Variants in ADAM19 observed in about 807,000 individuals in gnomAD.
ADAM19 encodes the protein ADAM metallopeptidase domain 19.
Under a neutral mutation model 114.7 loss-of-function variants are expected in ADAM19, and 65 were observed. That is an observed-to-expected ratio of 0.57 (90% CI 0.46 to 0.70). ADAM19 has a LOEUF of 0.70. Among genes scored for constraint, ADAM19 ranks in the 30% least tolerant of loss-of-function variants. The pLI is 0.00. For synonymous variants in ADAM19, 466 were observed against 460.5 expected, an observed-to-expected ratio of 1.01 and a Z score of -0.15; for missense variants, 1,063 against 1,204.7, an observed-to-expected ratio of 0.88 and a Z score of 1.74.
At chr5:157,491,557 C>T in intron 18 of ADAM19, 58 bp downstream of exon 18, 1 of 1,239,138 alleles carries the variant, frequency 8.1e-7, no homozygotes, top group Non-Finnish European at 1.1e-6. Flanking sequence ...TGCCACCTGC[C>T]CCTGATGCCC....
At chr5:157,550,714 TG>T (rs1380530194) in intron 3 of ADAM19, among the ~76,000 whole-genome samples, 2 of 149,042 alleles carry the variant, frequency 1.3e-5, no homozygotes, top group East Asian at 3.9e-4. Context: ...CAAGAGAGCT[TG>T]GGTTTAAAGA....
At chr5:157,489,306 T>C (rs1413441529) in intron 19 of ADAM19, 120 bp from the exon 20 acceptor site, 1 of 720,236 alleles carries the variant, frequency 1.4e-6, no homozygotes, top group Non-Finnish European at 2.5e-6. Flanking sequence ...AAGTCTGCTC[T>C]GGAGGGAGTG....
intron 13 of ADAM19, 137 bp downstream of exon 13, chr5:157,499,436 C>T (rs949226458): frequency 9.3e-6 from 7 of 754,052 alleles, no homozygotes; most frequent in Middle Eastern, 3.6e-4. Context: ...GCACCTTTTC[C>T]GCTCTGTGTT....
chr5:157,487,841 G>A (rs1043872487), intron 21 of ADAM19, among the ~76,000 whole-genome samples: 9 of 151,998 alleles, frequency 5.9e-5, no homozygotes, highest in South Asian at 2.1e-4. Context: ...CAGAATTGAG[G>A]AATCAGGATA....
intron 22 of ADAM19, 93 bp from the exon 23 acceptor site, chr5:157,481,095 G>C: frequency 6.5e-7 from 1 of 1,526,836 alleles, no homozygotes; most frequent in Non-Finnish European, 9.0e-7. Flanking sequence ...TTAGAAGGAA[G>C]GATGGACCAC....
intron 7 of ADAM19, among the ~76,000 whole-genome samples, chr5:157,517,789 C>G (rs1271495986): frequency 2.6e-5 from 4 of 152,220 alleles, no homozygotes; most frequent in Non-Finnish European, 5.9e-5. Flanking sequence ...GAGGGTTCCT[C>G]AAATTCTTAG....
rs1034198858 is a variant in ADAM19 at position 157,479,677 on chromosome 5, C to T, written c.*1272G>A. 2 of 985,878 alleles carry T rather than the reference C, an allele frequency of 2.0e-6. No individual in the cohort carries two copies. The highest frequency in any genetic ancestry group is 1.7e-5 in the African/African-American group (1 of 57,218). The allele number at this position is 985,878 out of a possible 1,614,324, so 61.1% of individuals were successfully genotyped here. ...AGAGAGAACAAAAGGAAGTGAATGA[C>T]AAAAAGCTGGGTTGAGGAAGAGGCT... On this transcript the variant is annotated 3_prime_UTR_variant, in exon 23 of 23. Coordinates refer to ENST00000257527, the MANE Select transcript of ADAM19 (RefSeq NM_033274.5).
At chr5:157,506,192 A>G (rs1755737287) in intron 10 of ADAM19, among the ~76,000 whole-genome samples, 1 of 152,228 alleles carries the variant, frequency 6.6e-6, no homozygotes, top group South Asian at 2.1e-4. Context: ...CATAGGGTGT[A>G]CTTGGCTTAG....
chr5:157,489,053 C>T (rs1435177928), intron 20 of ADAM19, 49 bp downstream of exon 20: 10 of 1,375,848 alleles, frequency 7.3e-6, no homozygotes, highest in Non-Finnish European at 1.0e-5. Context: ...CAGCATGGCC[C>T]TGAGGGATAA....
chr5:157,491,196 T>A (rs1003662309), intron 18 of ADAM19, among the ~76,000 whole-genome samples: 2 of 152,150 alleles, frequency 1.3e-5, no homozygotes, highest in Non-Finnish European at 2.9e-5. Flanking sequence ...ACTAAAATAC[T>A]ATAAAATTTT....
chr5:157,538,199 A>G (rs1394809311), intron 3 of ADAM19, among the ~76,000 whole-genome samples: 1 of 152,198 alleles, frequency 6.6e-6, no homozygotes, highest in Non-Finnish European at 1.5e-5. Flanking sequence ...AATATAATTT[A>G]TCATCACTAT....
intron 19 of ADAM19, among the ~76,000 whole-genome samples, chr5:157,489,791 G>C (rs1260275113): frequency 1.3e-5 from 2 of 152,290 alleles, no homozygotes; most frequent in East Asian, 3.9e-4. Context: ...TTCGAGACCA[G>C]CCTGGTCAAC....
In ADAM19 at chr5:157,480,037, G is replaced by C; in HGVS notation, c.*912C>G. ...AGGGAAATCCAGTGGCCGACTGTGA[G>C]AGAGGACTCTGACTTGTAGGTCACA... On this transcript the variant is annotated 3_prime_UTR_variant, in exon 23 of 23. Transcript: ENST00000257527. 1 of 986,010 alleles carries C rather than the reference G, an allele frequency of 1.0e-6. No individual in the cohort carries two copies. Among genetic ancestry groups the C allele is most frequent in the Non-Finnish European group, 1.2e-6 (1 of 830,036 alleles). The allele number at this position is 986,010 out of a possible 1,614,324, so 61.1% of individuals were successfully genotyped here. A position where few individuals can be genotyped will look rare whatever the true frequency, so the allele number is the denominator to read the frequency against.
intron 7 of ADAM19, among the ~76,000 whole-genome samples, chr5:157,517,887 A>G (rs59327154): frequency 0.16 from 24,212 of 152,174 alleles, 2,003 homozygotes; most frequent in Middle Eastern, 0.24. Flanking sequence ...GTGCAACCCA[A>G]TCGCCCAGAG....
At chr5:157,566,582 T>C (rs913714873) in intron 2 of ADAM19, 2 of 152,240 alleles carry the variant, frequency 1.3e-5, no homozygotes, top group African/African-American at 4.8e-5. Flanking sequence ...CTGAACTTTT[T>C]TCGAAGAAAT....
At position 157,535,011 on chromosome 5, in the gene ADAM19, T is replaced by A. The variant is rs141088746; in HGVS notation, c.330+2902A>T. Among the ~76,000 whole-genome samples, 10 of 152,034 alleles carry A rather than the reference T, an allele frequency of 6.6e-5. No homozygotes were observed. In the East Asian group the frequency reaches 1.9e-3, roughly 29 times the overall value. Reference sequence around the variant, plus strand: ...TAACTGAACTTGGGCAAGTTACTTTTCCCCTTCTCCTCTCAGTTTCCTCAT... The same window carrying A: ...TAACTGAACTTGGGCAAGTTACTTTACCCCTTCTCCTCTCAGTTTCCTCAT... On this transcript the variant is annotated intron_variant, in intron 4 of 22. Transcript: ENST00000257527.
intron 8 of ADAM19, 112 bp downstream of exon 8, chr5:157,513,322 C>T (rs1352202469): frequency 2.6e-5 from 27 of 1,051,278 alleles, no homozygotes; most frequent in Admixed American, 7.0e-5. Context: ...TGGCACTGCT[C>T]ATTCCCTTTC....
At chr5:157,531,926 G>A (rs941468055) in intron 4 of ADAM19, among the ~76,000 whole-genome samples, 7 of 152,100 alleles carry the variant, frequency 4.6e-5, no homozygotes, top group African/African-American at 9.7e-5. Context: ...GTATGGCCCC[G>A]ACAACATCTT....
At chr5:157,513,389 G>GCTGGCAC in intron 8 of ADAM19, 45 bp downstream of exon 8, 1 of 1,586,622 alleles carries the variant, frequency 6.3e-7, no homozygotes, top group African/African-American at 1.3e-5. Flanking sequence ...CCTTGGAAGT[G>GCTGGCAC]CTGGCACCTG....
Sources: gnomAD v4.1 joint callset for allele counts (sites outside exome capture counted in the v4.1 genomes callset) on GRCh38, gnomAD v4.1.1 for gene constraint, MANE v1.5 for transcripts, NCBI Gene and HGNC (gene_info 2026-07-23, HGNC 2026-07-21) for gene names.